The following CUX2 variants were observed in gnomAD, a reference collection of about 807,000 sequenced individuals.
CUX2 encodes the protein cut like homeobox 2.
A neutral mutation model predicts 144.8 loss-of-function variants in CUX2; 40 were observed. The ratio of observed to expected loss-of-function variants is 0.28; its 90% CI spans 0.21 to 0.36. CUX2 has a LOEUF of 0.36. Ranked by LOEUF, CUX2 falls within the 10% of genes least tolerant of loss-of-function variation. CUX2 has a pLI of 1.00. For synonymous variants in CUX2, 827 were observed against 875.6 expected (o/e 0.94, Z 0.98); for missense variants, 1,615 against 1,994.0 (o/e 0.81, Z 3.62).
At chr12:111,217,319 A>T (rs1252144502) in intron 2 of CUX2, among the ~76,000 whole-genome samples, 1 of 152,160 alleles carries the variant, frequency 6.6e-6, no homozygotes, top group Non-Finnish European at 1.5e-5. Context: ...TCTGGTGAGG[A>T]AGGAGAGTCA....
At chr12:111,164,018 C>T (rs1877959074) in intron 1 of CUX2, among the ~76,000 whole-genome samples, 1 of 152,082 alleles carries the variant, frequency 6.6e-6, no homozygotes, top group South Asian at 2.1e-4. Context: ...AATCATTGGA[C>T]CTAGGGCATA....
At position 111,077,960 on chromosome 12, in the gene CUX2, G is replaced by A. The variant is rs1388257558; in HGVS notation, c.63+43720G>A. 6.6e-6 allele frequency among the ~76,000 whole-genome samples: 1 copy of A among 152,190 alleles called. No individual in the cohort carries two copies. Among genetic ancestry groups the A allele is most frequent in the Non-Finnish European group, 1.5e-5 (1 of 68,036 alleles). ...AATGTAACAGCAAGAAAGAAGAGAG[G>A]AAACAAAGGGAGTCCAGGTGGTACC... On this transcript the variant is annotated intron_variant, in intron 1 of 21. Transcript: ENST00000261726. The surrounding 1 kb of genome is among the most constrained non-coding windows in gnomAD (Gnocchi z 4.1).
intron 19 of CUX2, among the ~76,000 whole-genome samples, chr12:111,336,424 T>TTTTGTGTGTGTGTG (rs543320398): frequency 2.1e-5 from 3 of 146,026 alleles, no homozygotes; most frequent in African/African-American, 7.6e-5. Context: ...CACTTCAGTG[T>TTTTGTGTGTGTGTG]TGTGTGTGTG....
At chr12:111,231,767 C>T (rs1882473246) in intron 3 of CUX2, among the ~76,000 whole-genome samples, 1 of 152,060 alleles carries the variant, frequency 6.6e-6, no homozygotes, top group Non-Finnish European at 1.5e-5. Context: ...ATTTATATAA[C>T]ATTTACATTT....
intron 3 of CUX2, among the ~76,000 whole-genome samples, chr12:111,258,086 G>T (rs1392735186): frequency 6.6e-6 from 1 of 152,220 alleles, no homozygotes; most frequent in East Asian, 1.9e-4. Flanking sequence ...ACTCTTTGCT[G>T]CATGTTAGCT....
Position 111,304,802 on chromosome 12 carries a change from T to C in CUX2, c.858+488T>C, listed in dbSNP as rs1405456187. ...TGCATGCTTGGGATGGTGATGCCCC[T>C]GCTGGTTTTCAGTCCCAAAACTGGG... On this transcript the variant is annotated intron_variant, in intron 10 of 21. Coordinates refer to ENST00000261726, the MANE Select transcript of CUX2 (RefSeq NM_015267.4). This position sits in a 1 kb window ranked among gnomAD's most constrained non-coding sequence, Gnocchi z 4.7. Among the ~76,000 whole-genome samples the C allele has an allele frequency of 2.0e-5, 3 of 152,216 alleles. No homozygotes were observed. Among genetic ancestry groups the C allele is most frequent in the African/African-American group, 7.2e-5 (3 of 41,450 alleles).
intron 19 of CUX2, among the ~76,000 whole-genome samples, chr12:111,335,060 A>C (rs563256950): frequency 1.3e-5 from 2 of 152,144 alleles, no homozygotes; most frequent in East Asian, 3.9e-4. Context: ...ATGCCACTGC[A>C]TGCCAGCCTG....
At position 111,077,441 on chromosome 12, in the gene CUX2, A is replaced by G. The variant is rs553510280; in HGVS notation, c.63+43201A>G. Among the ~76,000 whole-genome samples, 1 of 152,294 alleles carries G rather than the reference A, an allele frequency of 6.6e-6. No homozygotes were observed. Among genetic ancestry groups the G allele is most frequent in the South Asian group, 2.1e-4 (1 of 4,826 alleles). ...TTCTGCCCCCCTGGACTGATGGCCTAAATCCATCAGGCTCACCAGCCCCGG... is the reference window on the plus strand; with the variant it reads ...TTCTGCCCCCCTGGACTGATGGCCTGAATCCATCAGGCTCACCAGCCCCGG... On this transcript the variant is annotated intron_variant, in intron 1 of 21. Coordinates refer to ENST00000261726, the MANE Select transcript of CUX2 (RefSeq NM_015267.4). The surrounding 1 kb of genome is among the most constrained non-coding windows in gnomAD (Gnocchi z 4.1).
Position 111,080,915 on chromosome 12 carries a change from T to A in CUX2, c.63+46675T>A, listed in dbSNP as rs957967101. 6.0e-4 allele frequency among the ~76,000 whole-genome samples: 91 copies of A among 152,248 alleles called. 1 individual carries two copies. Among genetic ancestry groups the A allele is most frequent in the African/African-American group, 2.2e-3 (90 of 41,468 alleles). ...GCTATTAAGCTTTCTTGAGCCTCAG[T>A]TTCCTCATCTATAAAGTGGAGACGC... On this transcript the variant is annotated intron_variant, in intron 1 of 21. Transcript: ENST00000261726.
intron 4 of CUX2, among the ~76,000 whole-genome samples, chr12:111,283,632 C>G (rs560668357): frequency 3.5e-4 from 53 of 152,140 alleles, no homozygotes; most frequent in Non-Finnish European, 6.6e-4. Context: ...AGTGACTTTC[C>G]CTGGTGATGT....
intron 1 of CUX2, among the ~76,000 whole-genome samples, chr12:111,071,585 C>G (rs1162812037): frequency 6.6e-6 from 1 of 152,126 alleles, no homozygotes; most frequent in Non-Finnish European, 1.5e-5. Context: ...GTTAATACTC[C>G]CTTTCCAGGA....
intron 1 of CUX2, among the ~76,000 whole-genome samples, chr12:111,133,916 T>A (rs1462111321): frequency 6.6e-6 from 1 of 151,996 alleles, no homozygotes; most frequent in East Asian, 1.9e-4. Context: ...TTCACCAGGG[T>A]CTTCCCACCT....
rs920264559 is a variant in CUX2, at chr12:111,068,396, C to A, written c.63+34156C>A. ...TCTGTATGAAAAGCCAGCCAGCCGGCCGATTTCTGTCCTTTGAAGACGCTT... is the reference window on the plus strand; with the variant it reads ...TCTGTATGAAAAGCCAGCCAGCCGGACGATTTCTGTCCTTTGAAGACGCTT... On this transcript the variant is annotated intron_variant, in intron 1 of 21. Transcript: ENST00000261726. This position sits in a 1 kb window ranked among gnomAD's most constrained non-coding sequence, Gnocchi z 4.9. 6.6e-6 allele frequency among the ~76,000 whole-genome samples: 1 copy of A among 152,232 alleles called. No individual in the cohort carries two copies. The highest frequency in any genetic ancestry group is 1.5e-5 in the Non-Finnish European group (1 of 68,036).
At position 111,348,400 on chromosome 12, in the gene CUX2, G is replaced by C; in HGVS notation, c.*75G>C. On this transcript the variant is annotated 3_prime_UTR_variant, in exon 22 of 22. Transcript: ENST00000261726. ...CGCACTTACTCTCCTCAACAGGATG[G>C]GGTAAGGGAGGGAGGAACTCAACCA... is the stretch of plus-strand genomic sequence containing the variant. 2 of 1,341,700 alleles carry C rather than the reference G, an allele frequency of 1.5e-6. No homozygotes were observed. Among genetic ancestry groups the C allele is most frequent in the Non-Finnish European group, 2.1e-6 (2 of 973,948 alleles). The allele number at this position is 1,341,700 out of a possible 1,614,324, so 83.1% of individuals were successfully genotyped here.
intron 4 of CUX2, among the ~76,000 whole-genome samples, chr12:111,268,359 G>T (rs1219543775): frequency 6.6e-6 from 1 of 152,088 alleles, no homozygotes; most frequent in African/African-American, 2.4e-5. Context: ...CGAATGGCTG[G>T]GTCTGCAGGT....
At position 111,304,260 on chromosome 12, in the gene CUX2, C is replaced by A. The variant is rs747403255; in HGVS notation, c.804C>A (p.Ala268=). 1.2e-6 allele frequency: 2 copies of A among 1,614,044 alleles called. No individual in the cohort carries two copies. Among genetic ancestry groups the A allele is most frequent in the Admixed American group, 3.3e-5 (2 of 60,010 alleles). The change falls in exon 10 of 22, where the codon GCC becomes GCA. Residue 268 remains alanine (A), a synonymous_variant. Coordinates refer to ENST00000261726, the MANE Select transcript of CUX2 (RefSeq NM_015267.4). The surrounding 1 kb of genome is among the most constrained non-coding windows in gnomAD (Gnocchi z 4.7). ...REVESLREQL[A]SVNSSIRLAC... ...TGGAAAGTCTCCGGGAACAGCTGGC[C>A]TCTGTCAACAGCTCCATCCGCCTGG...
At chr12:111,226,554 C>T (rs532601648) in intron 3 of CUX2, among the ~76,000 whole-genome samples, 2 of 152,158 alleles carry the variant, frequency 1.3e-5, no homozygotes, top group South Asian at 2.1e-4. Flanking sequence ...GCAGTTGTTC[C>T]GGGTATTTCT....
rs1386194233 is a variant in CUX2, at chr12:111,330,750, T to A, written c.2927-3691T>A. 9.8e-4 allele frequency among the ~76,000 whole-genome samples: 82 copies of A among 84,086 alleles called. 1 individual carries two copies. The highest frequency in any genetic ancestry group is 2.8e-3 in the African/African-American group (73 of 25,822). The allele number at this position is 84,086 out of a possible 152,430, so 55.2% of individuals were successfully genotyped here. A position where few individuals can be genotyped will look rare whatever the true frequency, so the allele number is the denominator to read the frequency against. ...ATATATATATATATATATATATATA[T>A]AAAGAGAGAGGGATCATAGGCATAA... On this transcript the variant is annotated intron_variant, in intron 18 of 21. Transcript: ENST00000261726.
chr12:111,081,072 T>C (rs1871858886), intron 1 of CUX2, among the ~76,000 whole-genome samples: 3 of 152,180 alleles, frequency 2.0e-5, no homozygotes, highest in Admixed American at 2.0e-4. Context: ...TGGGAGTGTT[T>C]CTGGAGAGTG....
Sources: allele counts gnomAD v4.1 joint callset (sites outside exome capture counted in the v4.1 genomes callset), GRCh38; gene constraint gnomAD v4.1.1; non-coding constraint Gnocchi (gnomAD v3.1); transcripts MANE v1.5; gene names NCBI Gene and HGNC (gene_info 2026-07-23, HGNC 2026-07-21).